The following GCC2 variants were observed in gnomAD, a reference collection of about 807,000 sequenced individuals.
GCC2 encodes GRIP and coiled-coil domain-containing protein 2.
A neutral mutation model predicts 210.6 loss-of-function variants in GCC2; 120 were observed. The observed-to-expected ratio is 0.57, with a 90% CI of 0.49 to 0.66. The LOEUF (loss-of-function observed/expected upper bound fraction) is 0.66, where lower values mean the gene tolerates loss of function less well. GCC2 is among the 30% of genes least tolerant of loss of function. The pLI is 0.00. For missense variants in GCC2, 1,868 were observed against 1,871.9 expected (o/e 1.00, Z 0.04); for synonymous variants, 703 against 652.7 (o/e 1.08, Z -1.17).
At chr2:108,504,448 G>C (rs1440819872) in intron 22 of GCC2, among the ~76,000 whole-genome samples, 1 of 152,142 alleles carries the variant, frequency 6.6e-6, no homozygotes, top group Non-Finnish European at 1.5e-5. Flanking sequence ...GATGTCATGA[G>C]CTGCTCAGAG....
chr2:108,450,994 T>TA (rs1262053519), intron 2 of GCC2, 34 bp from the exon 3 acceptor site: 1 of 1,372,534 alleles, frequency 7.3e-7, no homozygotes, highest in African/African-American at 1.4e-5. Flanking sequence ...AAACATGAGT[T>TA]ATAACAAGTT....
intron 18 of GCC2, 169 bp downstream of exon 18, chr2:108,490,183 T>G: frequency 2.3e-6 from 1 of 441,092 alleles, no homozygotes; most frequent in Non-Finnish European, 4.0e-6. Flanking sequence ...CCTTTTACAT[T>G]GCTTTTGTAT....
At chr2:108,476,648 TTAAAG>T (rs1163305028) in intron 9 of GCC2, among the ~76,000 whole-genome samples, 1 of 152,060 alleles carries the variant, frequency 6.6e-6, no homozygotes, top group Non-Finnish European at 1.5e-5. Context: ...GAATTAAAAA[TTAAAG>T]TACAACAAAA....
chr2:108,509,318 A>C lies in GCC2; in HGVS notation c.*1688A>C, dbSNP rs1215141556. ...GATAAAAAATTACTTTGATTACAAAAGGCATATTCTTTCATGGTTTCTGCA... is the reference window on the plus strand; with the variant it reads ...GATAAAAAATTACTTTGATTACAAACGGCATATTCTTTCATGGTTTCTGCA... On this transcript the variant is annotated 3_prime_UTR_variant, in exon 23 of 23. Transcript: ENST00000309863. 6.6e-6 allele frequency: 1 copy of C among 152,566 alleles called. No homozygotes were observed. Among genetic ancestry groups the C allele is most frequent in the Non-Finnish European group, 1.5e-5 (1 of 68,032 alleles). The allele number at this position is 152,566 out of a possible 1,614,324, so 9.5% of individuals were successfully genotyped here. A position where few individuals can be genotyped will look rare whatever the true frequency, so the allele number is the denominator to read the frequency against.
At chr2:108,492,160 T>C (rs1045640381) in intron 18 of GCC2, among the ~76,000 whole-genome samples, 5 of 151,826 alleles carry the variant, frequency 3.3e-5, no homozygotes, top group Admixed American at 3.3e-4. Context: ...TTTTTTAATG[T>C]TTTCAGGGTA....
intron 4 of GCC2, among the ~76,000 whole-genome samples, chr2:108,454,951 G>T (rs905592720): frequency 1.4e-5 from 2 of 144,816 alleles, no homozygotes; most frequent in African/African-American, 5.1e-5. Context: ...GGAGTGCAGT[G>T]GCGTGATCTC....
intron 9 of GCC2, 125 bp downstream of exon 9, chr2:108,475,975 T>C: frequency 1.7e-6 from 1 of 574,100 alleles, no homozygotes; most frequent in Non-Finnish European, 3.1e-6. Flanking sequence ...TTAGTAAATC[T>C]TTATTCTGTT....
intron 22 of GCC2, among the ~76,000 whole-genome samples, chr2:108,506,442 G>A (rs1047047630): frequency 6.6e-6 from 1 of 152,208 alleles, no homozygotes; most frequent in Non-Finnish European, 1.5e-5. Context: ...AAACAGGTTA[G>A]CGGTTGCCAA....
chr2:108,502,154 A>G (rs1474295449), intron 22 of GCC2, among the ~76,000 whole-genome samples: 3 of 152,224 alleles, frequency 2.0e-5, no homozygotes, highest in African/African-American at 2.4e-5. Context: ...TCTCAAAATT[A>G]TAACTAATTT....
chr2:108,474,190 A>T (rs530013199), intron 7 of GCC2, among the ~76,000 whole-genome samples: 1 of 152,138 alleles, frequency 6.6e-6, no homozygotes, highest in Non-Finnish European at 1.5e-5. Context: ...GGGAGATTCA[A>T]ATTACCAAGG....
chr2:108,452,354 GTTCT>G lies in GCC2; in HGVS notation c.149-42_149-39del, dbSNP rs760374302. 6.1e-5 allele frequency: 60 copies of G among 985,360 alleles called. No homozygotes were observed. In the Admixed American group the frequency reaches 1.1e-3, roughly 18 times the overall value. The allele number at this position is 985,360 out of a possible 1,614,324, so 61.0% of individuals were successfully genotyped here. A position where few individuals can be genotyped will look rare whatever the true frequency, so the allele number is the denominator to read the frequency against. On this transcript the variant is annotated intron_variant, in intron 3 of 22. Coordinates refer to ENST00000309863, the MANE Select transcript of GCC2 (RefSeq NM_181453.4). ...TACTTATCAGTTTCCCAGTAATTAT[GTTCT>G]TTATTTCTGAACCGGAGTCCTTTAT...
rs1441240714 is a variant in GCC2 at position 108,449,245 on chromosome 2, TGGTTGCGGGCCGGCGGC to T, written c.-27_-11del. On this transcript the variant is annotated 5_prime_UTR_variant, in exon 1 of 23. Coordinates refer to ENST00000309863, the MANE Select transcript of GCC2 (RefSeq NM_181453.4). ...ACAGAAGTGCAGCGGTGGCGGCGGC[TGGTTGCGGGCCGGCGGC>T]GGGCTGGCGGAGATGGAGGTAACTC... The T allele has an allele frequency of 1.9e-6, 3 of 1,548,350 alleles. No individual in the cohort carries two copies. The African/African-American group carries it at 4.1e-5, about 21-fold the overall frequency.
At position 108,471,695 on chromosome 2, in the gene GCC2, C is replaced by T. The variant is rs1558741197; in HGVS notation, c.2366C>T (p.Ser789Phe). The change falls in exon 6 of 23, where the codon TCC (serine) becomes TTC (phenylalanine). Residue 789 changes from serine to phenylalanine, a missense_variant. Around this residue, in one of 3 missense-constraint regions of GCC2, gnomAD observed 1,847 missense variants for 1,765.2 expected, o/e 1.05. Transcript: ENST00000309863. Reference protein sequence around the residue: ...VVNVLQAVGESLAKINEEKCN... With the variant: ...VVNVLQAVGEFLAKINEEKCN... ...AATGTCCTACAGGCAGTCGGTGAAT[C>T]CTTGGCAAAAATAAATGAGGAAAAA... 1 of 1,613,434 alleles carries T rather than the reference C, an allele frequency of 6.2e-7. No homozygotes were observed.
At chr2:108,474,865 G>GA (rs1222373161) in intron 7 of GCC2, 2 of 152,270 alleles carry the variant, frequency 1.3e-5, no homozygotes, top group Admixed American at 6.5e-5. Flanking sequence ...GCTTGAGTAG[G>GA]TAATGAGACG....
chr2:108,502,563 A>G (rs1254307772), intron 22 of GCC2, among the ~76,000 whole-genome samples: 1 of 152,228 alleles, frequency 6.6e-6, no homozygotes, highest in Non-Finnish European at 1.5e-5. Flanking sequence ...AGTACATAAA[A>G]GAGACCTTAT....
At chr2:108,476,288 G>A (rs1241782773) in intron 9 of GCC2, among the ~76,000 whole-genome samples, 3 of 151,998 alleles carry the variant, frequency 2.0e-5, no homozygotes, top group Admixed American at 6.6e-5. Flanking sequence ...TTGAACTCCT[G>A]ACCTCGTGAT....
chr2:108,449,513 C>T (rs534502509), intron 1 of GCC2, 120 bp from the exon 2 acceptor site: 2 of 1,242,834 alleles, frequency 1.6e-6, no homozygotes, highest in African/African-American at 1.5e-5. Context: ...CATTCTCTGT[C>T]TCACGAGGCT....
chr2:108,462,128 C>T (rs1277275125), intron 4 of GCC2, among the ~76,000 whole-genome samples: 1 of 146,570 alleles, frequency 6.8e-6, no homozygotes, highest in East Asian at 2.1e-4. Flanking sequence ...TGAGCCACTG[C>T]ACCCGGCCAC....
At chr2:108,496,157 T>C (rs1213340059) in intron 20 of GCC2, 1 of 151,738 alleles carries the variant, frequency 6.6e-6, no homozygotes, top group Non-Finnish European at 1.5e-5. Flanking sequence ...TAGTCACAAA[T>C]AGGTGGTGGG....
Sources: gnomAD v4.1 joint callset for allele counts (sites outside exome capture counted in the v4.1 genomes callset) on GRCh38, gnomAD v4.1.1 for gene constraint, gnomAD v4.1.1 regional missense constraint, MANE v1.5 for transcripts, NCBI Gene and HGNC (gene_info 2026-07-23, HGNC 2026-07-21) for gene names.